STK32A: variants seen among roughly 807,000 people sequenced by gnomAD.
STK32A encodes the protein serine/threonine kinase 32A, also known as serine/threonine-protein kinase 32A.
A neutral mutation model predicts 53.2 loss-of-function variants in STK32A; 41 were observed. That is an observed-to-expected ratio of 0.77 (90% CI 0.60 to 1.00). The LOEUF (loss-of-function observed/expected upper bound fraction) is 1.00. Ranked by LOEUF, STK32A falls within the 50% of genes least tolerant of loss-of-function variation. The pLI is 0.00. For synonymous variants in STK32A, 166 were observed against 162.8 expected (o/e 1.02, Z -0.15); for missense variants, 458 against 485.8 (o/e 0.94, Z 0.54).
intron 4 of STK32A, among the ~76,000 whole-genome samples, chr5:147,304,831 T>G (rs1753324389): frequency 6.6e-6 from 1 of 152,184 alleles, no homozygotes; most frequent in East Asian, 1.9e-4. Context: ...ACCCCTTACT[T>G]GAGAAGATAA....
At chr5:147,296,582 A>G (rs926046244) in intron 4 of STK32A, among the ~76,000 whole-genome samples, 1 of 151,832 alleles carries the variant, frequency 6.6e-6, no homozygotes, top group African/African-American at 2.4e-5. Flanking sequence ...AAACTCTACC[A>G]TTTTTGCCTC....
intron 4 of STK32A, among the ~76,000 whole-genome samples, chr5:147,318,480 G>A (rs1754127190): frequency 6.6e-6 from 1 of 151,810 alleles, no homozygotes; most frequent in Non-Finnish European, 1.5e-5. Context: ...AAATTATAGG[G>A]CAACAAGGGT....
intron 10 of STK32A, among the ~76,000 whole-genome samples, chr5:147,374,101 A>G (rs1757124421): frequency 6.6e-6 from 1 of 151,968 alleles, no homozygotes; most frequent in Non-Finnish European, 1.5e-5. Flanking sequence ...CCTTGGCAAC[A>G]TGGCAAGACC....
intron 2 of STK32A, among the ~76,000 whole-genome samples, chr5:147,262,792 A>G (rs1418407670): frequency 1.3e-5 from 2 of 152,160 alleles, no homozygotes; most frequent in Non-Finnish European, 2.9e-5. Context: ...ACAGAGAACT[A>G]GAAGCAACAT....
intron 4 of STK32A, among the ~76,000 whole-genome samples, chr5:147,279,632 G>C (rs1173856829): frequency 6.6e-6 from 1 of 152,052 alleles, no homozygotes; most frequent in East Asian, 1.9e-4. Flanking sequence ...CGAATGTCAT[G>C]TAAGGGGGGG....
intron 9 of STK32A, 65 bp downstream of exon 9, chr5:147,370,835 T>A: frequency 9.8e-7 from 1 of 1,022,022 alleles, no homozygotes; most frequent in Non-Finnish European, 1.5e-6. Context: ...GGCTTAAGTT[T>A]AGAAGTTAGT....
intron 2 of STK32A, among the ~76,000 whole-genome samples, chr5:147,252,039 C>T (rs1204054523): frequency 7.4e-6 from 1 of 134,886 alleles, no homozygotes; most frequent in East Asian, 2.0e-4. Flanking sequence ...TCCATCTCTA[C>T]CATTTTTTTT....
chr5:147,388,469 T>C (rs1358888969), downstream of STK32A, among the ~76,000 whole-genome samples: 1 of 152,198 alleles, frequency 6.6e-6, no homozygotes, highest in Non-Finnish European at 1.5e-5. Context: ...CGAAGTACCC[T>C]GTTGTCCAGG....
At chr5:147,346,400 A>G (rs1363821469) in intron 6 of STK32A, among the ~76,000 whole-genome samples, 1 of 152,212 alleles carries the variant, frequency 6.6e-6, no homozygotes, top group Non-Finnish European at 1.5e-5. Flanking sequence ...GTATCACACC[A>G]TGCTGCTTAC....
intron 5 of STK32A, among the ~76,000 whole-genome samples, chr5:147,326,564 G>A (rs975069634): frequency 6.6e-6 from 1 of 152,084 alleles, no homozygotes; most frequent in African/African-American, 2.4e-5. Context: ...ATAAAATTGT[G>A]AACTCTGCAT....
chr5:147,299,342 C>T (rs941358963), intron 4 of STK32A, among the ~76,000 whole-genome samples: 3 of 151,928 alleles, frequency 2.0e-5, no homozygotes, highest in African/African-American at 4.8e-5. Context: ...TGGTTTTGGC[C>T]GGCTTCTTTG....
intron 8 of STK32A, among the ~76,000 whole-genome samples, chr5:147,365,099 A>G (rs1333044228): frequency 6.6e-6 from 1 of 152,172 alleles, no homozygotes; most frequent in Non-Finnish European, 1.5e-5. Flanking sequence ...TGGTCCCACA[A>G]CACACCATCA....
At chr5:147,306,871 T>C (rs1409711235) in intron 4 of STK32A, among the ~76,000 whole-genome samples, 1 of 152,034 alleles carries the variant, frequency 6.6e-6, no homozygotes, top group Non-Finnish European at 1.5e-5. Flanking sequence ...AAAAAGTACA[T>C]ATAACTATGC....
At chr5:147,253,770 T>C (rs1703732903) in intron 2 of STK32A, among the ~76,000 whole-genome samples, 1 of 152,232 alleles carries the variant, frequency 6.6e-6, no homozygotes. Flanking sequence ...CCTTAGTTGA[T>C]GGCCCATATA....
intron 9 of STK32A, 108 bp from the exon 10 acceptor site, chr5:147,373,061 C>A: frequency 7.4e-7 from 1 of 1,352,614 alleles, no homozygotes; most frequent in East Asian, 2.3e-5. Context: ...GGGACACTGT[C>A]TATTTTCCTT....
intron 2 of STK32A, among the ~76,000 whole-genome samples, chr5:147,256,341 G>A (rs920802910): frequency 1.1e-4 from 17 of 152,148 alleles, no homozygotes; most frequent in African/African-American, 4.1e-4. Flanking sequence ...ATTACTCCAG[G>A]CTGTAGAATC....
At chr5:147,397,638 A>G in the STK32A span, 1 of 1,602,706 alleles carries the variant, frequency 6.2e-7, no homozygotes. Flanking sequence ...AAGCTCCTGC[A>G]CCACCTCAGA....
intron 2 of STK32A, among the ~76,000 whole-genome samples, chr5:147,242,665 T>C (rs1350757227): frequency 1.3e-5 from 2 of 152,112 alleles, no homozygotes; most frequent in Admixed American, 1.3e-4. Context: ...AATGACAAAA[T>C]CAGGATTGAA....
At chr5:147,400,954 T>G in the STK32A span, 6 of 1,289,290 alleles carry the variant, frequency 4.7e-6, no homozygotes, top group Non-Finnish European at 6.2e-6. Flanking sequence ...GAATGCCTCC[T>G]CTACCTCTTA....
Sources: gnomAD v4.1 joint callset for allele counts (sites outside exome capture counted in the v4.1 genomes callset) on GRCh38, gnomAD v4.1.1 for gene constraint, MANE v1.5 for transcripts, NCBI Gene and HGNC (gene_info 2026-07-23, HGNC 2026-07-21) for gene names.